Variants in PARVA observed in about 807,000 individuals in gnomAD.
PARVA encodes the protein parvin alpha.
In PARVA, 25 loss-of-function variants were observed where a neutral mutation model predicts 52.6. The ratio of observed to expected loss-of-function variants is 0.48; its 90% CI spans 0.35 to 0.66. The LOEUF (loss-of-function observed/expected upper bound fraction) is 0.66. Among genes scored for constraint, PARVA ranks in the 30% least tolerant of loss-of-function variants. The probability of loss-of-function intolerance (pLI) is 0.01; values close to 1 mark genes in which losing one functional copy is unlikely to be tolerated. For synonymous variants in PARVA, 185 were observed against 179.1 expected (o/e 1.03, Z -0.26); for missense variants, 373 against 450.9 (o/e 0.83, Z 1.56).
intron 1 of PARVA, among the ~76,000 whole-genome samples, chr11:12,411,835 T>C (rs1939996224): frequency 6.6e-6 from 1 of 152,152 alleles, no homozygotes; most frequent in Admixed American, 6.5e-5. Context: ...CACTCCCTGG[T>C]GTGACCTACG....
intron 1 of PARVA, among the ~76,000 whole-genome samples, chr11:12,397,209 A>G (rs1483065147): frequency 2.6e-5 from 4 of 152,126 alleles, no homozygotes. Context: ...AAGATAATTT[A>G]TTTAATCATA....
intron 1 of PARVA, among the ~76,000 whole-genome samples, chr11:12,457,025 T>C (rs575172730): frequency 2.6e-5 from 4 of 152,230 alleles, no homozygotes; most frequent in Admixed American, 6.5e-5. Context: ...TCTATGCTTA[T>C]ATTGTGCGTG....
chr11:12,475,001 T>C (rs1940989101), intron 3 of PARVA, among the ~76,000 whole-genome samples: 1 of 151,166 alleles, frequency 6.6e-6, no homozygotes, highest in Admixed American at 6.6e-5. Context: ...CATTCCCCCA[T>C]GCAAATCTGA....
intron 1 of PARVA, among the ~76,000 whole-genome samples, chr11:12,444,689 A>G (rs964037045): frequency 2.0e-5 from 3 of 152,046 alleles, no homozygotes; most frequent in Non-Finnish European, 4.4e-5. Flanking sequence ...CAGCCTCCCA[A>G]CCAGTTTATC....
In PARVA at chr11:12,443,169, C is replaced by CTTCTTTT. The variant is rs1326822141; in HGVS notation, c.137-30574_137-30573insCTTTTTT. On this transcript the variant is annotated intron_variant, in intron 1 of 12. Transcript: ENST00000334956. The stretch of plus-strand genomic sequence containing the variant: ...AGCCACCATGCCCGGCGCCCCCCTT[C>CTTCTTTT]TTTTTTTTTTTTTTTTTTTTTGAGA... Among the ~76,000 whole-genome samples the CTTCTTTT allele has an allele frequency of 3.9e-3, 309 of 78,350 alleles. 5 individuals are homozygous for CTTCTTTT. Among genetic ancestry groups the CTTCTTTT allele is most frequent in the African/African-American group, 0.015 (299 of 19,988 alleles). The allele number at this position is 78,350 out of a possible 152,430, so 51.4% of individuals were successfully genotyped here.
intron 8 of PARVA, 141 bp downstream of exon 8, chr11:12,511,674 T>C (rs995433387): frequency 2.4e-6 from 2 of 847,752 alleles, no homozygotes; most frequent in African/African-American, 3.4e-5. Flanking sequence ...GCCAATTGGG[T>C]TGGGAGGGAC....
chr11:12,472,630 C>T (rs1940949287), intron 1 of PARVA, among the ~76,000 whole-genome samples: 1 of 152,144 alleles, frequency 6.6e-6, no homozygotes, highest in Non-Finnish European at 1.5e-5. Context: ...TAAGTGGCTG[C>T]CTTGTGCTTA....
chr11:12,382,939 C>T (rs1472810982), intron 1 of PARVA, among the ~76,000 whole-genome samples: 2 of 152,184 alleles, frequency 1.3e-5, no homozygotes, highest in Non-Finnish European at 2.9e-5. Context: ...TTTCATTGGT[C>T]TTTGAAATTT....
rs901516173 is a variant in PARVA at position 12,408,282 on chromosome 11, G to C, written c.136+30499G>C. On this transcript the variant is annotated intron_variant, in intron 1 of 12. Transcript: ENST00000334956. ...CTGTGCCACTGACCGTTTCATGTTT[G>C]GGGTTGGTTTTCCCAAATTGATTGT... Among the ~76,000 whole-genome samples, 44 of 152,140 alleles carry C rather than the reference G, an allele frequency of 2.9e-4. 1 individual carries two copies. Among genetic ancestry groups the C allele is most frequent in the African/African-American group, 9.4e-4 (39 of 41,434 alleles).
chr11:12,523,108 A>C (rs1209869573), intron 12 of PARVA, among the ~76,000 whole-genome samples: 1 of 152,174 alleles, frequency 6.6e-6, no homozygotes, highest in Non-Finnish European at 1.5e-5. Context: ...ATTTAAAAAA[A>C]ATTTTTAATG....
At chr11:12,484,573 C>G (rs997409000) in intron 4 of PARVA, among the ~76,000 whole-genome samples, 3 of 150,256 alleles carry the variant, frequency 2.0e-5, no homozygotes, top group Admixed American at 1.3e-4. Context: ...CTGATAGACC[C>G]TAAAGAGTGC....
intron 1 of PARVA, among the ~76,000 whole-genome samples, chr11:12,467,667 A>C (rs889337965): frequency 3.3e-5 from 5 of 152,202 alleles, no homozygotes; most frequent in African/African-American, 1.2e-4. Flanking sequence ...AGGGAGCTTT[A>C]ATAACTTTCA....
At chr11:12,417,409 GTATT>G (rs1940082665) in intron 1 of PARVA, among the ~76,000 whole-genome samples, 2 of 152,058 alleles carry the variant, frequency 1.3e-5, no homozygotes, top group African/African-American at 2.4e-5. Context: ...TTTAAAAACA[GTATT>G]TATATATTTG....
At chr11:12,472,437 G>A (rs773828552) in intron 1 of PARVA, among the ~76,000 whole-genome samples, 1 of 152,140 alleles carries the variant, frequency 6.6e-6, no homozygotes, top group Non-Finnish European at 1.5e-5. Context: ...GGAGATCAAG[G>A]TGGTGACTGG....
At chr11:12,495,669 T>C (rs1941290189) in intron 4 of PARVA, among the ~76,000 whole-genome samples, 3 of 152,116 alleles carry the variant, frequency 2.0e-5, no homozygotes, top group Admixed American at 6.6e-5. Context: ...AAAAAAACTA[T>C]TGATTTTAAA....
chr11:12,434,108 C>T lies in PARVA; in HGVS notation c.137-39637C>T, dbSNP rs547176651. On this transcript the variant is annotated intron_variant, in intron 1 of 12. Coordinates refer to ENST00000334956, the MANE Select transcript of PARVA (RefSeq NM_018222.5). ...ACGTGTTCATAAATCCAAGGTTGGCCTTAGGACTTGTGTGCAGGCTACCTT... is the reference window on the plus strand; with the variant it reads ...ACGTGTTCATAAATCCAAGGTTGGCTTTAGGACTTGTGTGCAGGCTACCTT... Among the ~76,000 whole-genome samples, 3 of 152,294 alleles carry T rather than the reference C, an allele frequency of 2.0e-5. No individual in the cohort carries two copies. In the East Asian group the frequency reaches 5.8e-4, roughly 29 times the overall value.
At chr11:12,447,555 TCCC>T (rs2135010673) in intron 1 of PARVA, among the ~76,000 whole-genome samples, 1 of 152,296 alleles carries the variant, frequency 6.6e-6, no homozygotes, top group Non-Finnish European at 1.5e-5. Context: ...GGACAGCAGC[TCCC>T]ATAAAGTTAT....
At chr11:12,433,977 C>A (rs906178295) in intron 1 of PARVA, among the ~76,000 whole-genome samples, 1 of 152,172 alleles carries the variant, frequency 6.6e-6, no homozygotes, top group Admixed American at 6.5e-5. Context: ...CTCTCCAACA[C>A]GCCTGATCCC....
chr11:12,521,690 TG>T (rs1390391052), intron 12 of PARVA, among the ~76,000 whole-genome samples: 4 of 152,172 alleles, frequency 2.6e-5, no homozygotes, highest in Non-Finnish European at 5.9e-5. Flanking sequence ...GTGGTCCCAA[TG>T]TCATCACAGG....
Sources: gnomAD v4.1 joint callset for allele counts (sites outside exome capture counted in the v4.1 genomes callset) on GRCh38, gnomAD v4.1.1 for gene constraint, MANE v1.5 for transcripts, NCBI Gene and HGNC (gene_info 2026-07-23, HGNC 2026-07-21) for gene names.